Variants in ARHGEF9 observed in about 807,000 individuals in gnomAD.
ARHGEF9 encodes the protein Cdc42 guanine nucleotide exchange factor 9.
Under a neutral mutation model 41.3 loss-of-function variants are expected in ARHGEF9, and 2 were observed. The ratio of observed to expected loss-of-function variants is 0.05; its 90% CI spans 0.02 to 0.15. The LOEUF (loss-of-function observed/expected upper bound fraction) is 0.15, where lower values mean the gene tolerates loss of function less well. ARHGEF9 is among the 10% of genes least tolerant of loss of function. The probability of loss-of-function intolerance (pLI) is 1.00; values close to 1 mark genes in which losing one functional copy is unlikely to be tolerated. For missense variants in ARHGEF9, 225 were observed against 424.7 expected, an observed-to-expected ratio of 0.53 and a Z score of 4.13; for synonymous variants, 160 against 154.4, an observed-to-expected ratio of 1.04 and a Z score of -0.27.
At chrX:63,669,463 C>A (rs1259694189) in intron 6 of ARHGEF9, among the ~76,000 whole-genome samples, 2 of 111,761 alleles carry the variant, frequency 1.8e-5, no homozygotes, top group Non-Finnish European at 3.8e-5. Context: ...CAAAAACCCT[C>A]CAGTGGCTCC....
chrX:63,778,637 T>C (rs1556460287), intron 1 of ARHGEF9, among the ~76,000 whole-genome samples: 3 of 112,311 alleles, frequency 2.7e-5, no homozygotes, highest in Non-Finnish European at 5.6e-5. Flanking sequence ...GCCATATCTG[T>C]GTGAATTAAT....
chrX:63,692,975 T>C (rs2051456618), intron 4 of ARHGEF9, among the ~76,000 whole-genome samples: 1 of 111,849 alleles, frequency 8.9e-6, no homozygotes, highest in Non-Finnish European at 1.9e-5. Context: ...AAATATCATA[T>C]GTTTTCACTC....
chrX:63,703,287 G>C (rs1372888353), intron 3 of ARHGEF9: 1 of 112,163 alleles, frequency 8.9e-6, no homozygotes, highest in East Asian at 2.8e-4. Context: ...CCTACTTTCT[G>C]GAAAGACAAA....
chrX:63,782,285 C>G (rs1330233729), intron 1 of ARHGEF9, among the ~76,000 whole-genome samples: 1 of 111,591 alleles, frequency 9.0e-6, no homozygotes, highest in African/African-American at 3.3e-5. Flanking sequence ...GGCACTTTAT[C>G]CCCATTTTAT....
chrX:63,712,541 CAT>C (rs781856587), intron 2 of ARHGEF9, among the ~76,000 whole-genome samples: 7 of 110,529 alleles, frequency 6.3e-5, no homozygotes, highest in Non-Finnish European at 9.5e-5. Flanking sequence ...TATGTGTATA[CAT>C]ATATATATAT....
chrX:63,708,703 C>T (rs1159049429), intron 2 of ARHGEF9, among the ~76,000 whole-genome samples: 1 of 111,962 alleles, frequency 8.9e-6, no homozygotes, highest in Non-Finnish European at 1.9e-5. Flanking sequence ...TAAGATGCTG[C>T]TTTCATCCCA....
chrX:63,719,587 A>G (rs1332326585), intron 2 of ARHGEF9: 5 of 292,562 alleles, frequency 1.7e-5, no homozygotes, highest in African/African-American at 1.4e-4. Flanking sequence ...CAAAACTTGC[A>G]GCAACTTACA....
At chrX:63,667,203 G>A (rs782798197) in intron 6 of ARHGEF9, among the ~76,000 whole-genome samples, 2 of 111,792 alleles carry the variant, frequency 1.8e-5, no homozygotes, top group African/African-American at 3.2e-5. Context: ...TGAGACTCGC[G>A]ATAGCCCTGG....
chrX:63,714,123 C>A (rs1252734492), intron 2 of ARHGEF9, among the ~76,000 whole-genome samples: 1 of 111,713 alleles, frequency 9.0e-6, no homozygotes, highest in Non-Finnish European at 1.9e-5. Flanking sequence ...ACCGACCCAC[C>A]GAGTTTCACT....
intron 4 of ARHGEF9, among the ~76,000 whole-genome samples, chrX:63,693,294 C>T (rs1382126917): frequency 9.0e-6 from 1 of 111,700 alleles, no homozygotes; most frequent in Non-Finnish European, 1.9e-5. Flanking sequence ...GAGATGATGG[C>T]TATCCCAATT....
At chrX:63,760,862 C>A (rs1439269586) in intron 1 of ARHGEF9, among the ~76,000 whole-genome samples, 1 of 111,914 alleles carries the variant, frequency 8.9e-6, no homozygotes, top group Non-Finnish European at 1.9e-5. Context: ...GTGTTTACAT[C>A]ATTTGCCCAT....
At chrX:63,749,060 T>C (rs1185537545) in intron 1 of ARHGEF9, among the ~76,000 whole-genome samples, 7 of 112,277 alleles carry the variant, frequency 6.2e-5, no homozygotes, top group Non-Finnish European at 1.3e-4. Flanking sequence ...TGAGTTTTCA[T>C]AAAACTAAAC....
chrX:63,691,879 T>C (rs1448440871), intron 4 of ARHGEF9, among the ~76,000 whole-genome samples: 1 of 111,223 alleles, frequency 9.0e-6, no homozygotes, highest in Non-Finnish European at 1.9e-5. Flanking sequence ...TTGAACAGAA[T>C]AGAGAATCCC....
Position 63,638,188 on chromosome X carries a change from A to T in ARHGEF9, c.1412T>A (p.Val471Asp). ...CTGCGGTGGTGGGTAGGAAGGAGGA[A>T]CTGAGCGGGCAGAGTTGACACCTAG... ...KQKGVNSARS[V>D]PPSYPPPQDP... Residue 471 changes from valine to aspartate, a missense_variant, in exon 10 of 10, where the codon GTT becomes GAT. Transcript: ENST00000671741. 1 of 1,190,758 alleles carries T rather than the reference A, an allele frequency of 8.4e-7. No homozygotes were observed. Among genetic ancestry groups the T allele is most frequent in the East Asian group, 3.0e-5 (1 of 32,903 alleles).
At chrX:63,724,916 A>C (rs2053867226) in intron 1 of ARHGEF9, 2 of 445,315 alleles carry the variant, frequency 4.5e-6, no homozygotes, top group African/African-American at 4.9e-5. Flanking sequence ...AGTGCATGGA[A>C]TGACCCAGAA....
At position 63,637,640 on chromosome X, in the gene ARHGEF9, A is replaced by G; in HGVS notation, c.*388T>C. The stretch of plus-strand genomic sequence containing the variant: ...CGTAATAATGACAAGGCAGTGAATC[A>G]CTCACAGGGGAGTAAAGAGATTATC... On this transcript the variant is annotated 3_prime_UTR_variant, in exon 10 of 10. Coordinates refer to ENST00000671741, the MANE Select transcript of ARHGEF9 (RefSeq NM_001353921.2). The G allele has an allele frequency of 4.9e-6, 1 of 204,038 alleles. No individual in the cohort carries two copies. Among genetic ancestry groups the G allele is most frequent in the Non-Finnish European group, 8.9e-6 (1 of 112,493 alleles). The allele number at this position is 204,038 out of a possible 1,213,427, so 16.8% of individuals were successfully genotyped here.
intron 7 of ARHGEF9, among the ~76,000 whole-genome samples, chrX:63,663,824 T>A (rs1357918152): frequency 8.9e-6 from 1 of 112,516 alleles, no homozygotes; most frequent in East Asian, 2.8e-4. Flanking sequence ...AAAGTCTTAT[T>A]GTAGATAACA....
chrX:63,649,712 AAG>A (rs1263982625), intron 8 of ARHGEF9, among the ~76,000 whole-genome samples: 5 of 111,690 alleles, frequency 4.5e-5, no homozygotes, highest in African/African-American at 1.6e-4. Flanking sequence ...TAAAGAAGAA[AAG>A]AGAGAAGAAT....
At chrX:63,677,335 C>G (rs141611223) in intron 5 of ARHGEF9, among the ~76,000 whole-genome samples, 5 of 111,785 alleles carry the variant, frequency 4.5e-5, no homozygotes, top group Admixed American at 1.9e-4. Flanking sequence ...TAAGCAAAGT[C>G]AGTATTCTTC....
Sources: gnomAD v4.1 joint callset for allele counts (sites outside exome capture counted in the v4.1 genomes callset) on GRCh38, gnomAD v4.1.1 for gene constraint, MANE v1.5 for transcripts, NCBI Gene and HGNC (gene_info 2026-07-23, HGNC 2026-07-21) for gene names.